Variants in SSUH2 observed in about 807,000 individuals in gnomAD.
The protein encoded by SSUH2 is ssu-2 homolog, also known as protein SSUH2 homolog.
SSUH2 carries 47 observed loss-of-function variants against 55.3 expected under a neutral mutation model. The observed-to-expected ratio is 0.85, with a 90% CI of 0.67 to 1.08. The LOEUF (loss-of-function observed/expected upper bound fraction) is 1.08. SSUH2 is among the 50% of genes least tolerant of loss of function. The probability of loss-of-function intolerance (pLI) is 0.00; values close to 1 mark genes in which losing one functional copy is unlikely to be tolerated. For synonymous variants in SSUH2, 212 were observed against 191.5 expected (o/e 1.11, Z -0.89); for missense variants, 535 against 490.7 (o/e 1.09, Z -0.85).
intron 6 of SSUH2, among the ~76,000 whole-genome samples, chr3:8,661,093 C>T (rs111426941): frequency 1.6e-4 from 25 of 152,348 alleles, no homozygotes; most frequent in Admixed American, 7.2e-4. Context: ...TACTGTCTGA[C>T]GCCGAAGTCC....
intron 7 of SSUH2, among the ~76,000 whole-genome samples, chr3:8,655,007 CAGTCTCAGTGTGT>C (rs1702800727): frequency 2.4e-3 from 1 of 414 alleles, no homozygotes. Flanking sequence ...CCTCATCCCC[CAGTCTCAGTGTGT>C]GGCCTCCCCA....
chr3:8,651,283 C>G (rs1702371962), intron 7 of SSUH2, among the ~76,000 whole-genome samples: 1 of 152,222 alleles, frequency 6.6e-6, no homozygotes, highest in South Asian at 2.1e-4. Flanking sequence ...CATTGCATCT[C>G]TCGGCTATCT....
chr3:8,659,158 T>A (rs1033245093), intron 6 of SSUH2: 1 of 152,242 alleles, frequency 6.6e-6, no homozygotes, highest in African/African-American at 2.4e-5. Context: ...CCTTACACCT[T>A]ACTAAAGAAA....
intron 11 of SSUH2, among the ~76,000 whole-genome samples, chr3:8,620,339 G>A (rs1696159675): frequency 6.6e-6 from 1 of 152,094 alleles, no homozygotes; most frequent in Admixed American, 6.5e-5. Flanking sequence ...TTCTTGCCTT[G>A]CCTGCTGCCA....
chr3:8,649,622 C>T (rs894290588), upstream of SSUH2, among the ~76,000 whole-genome samples: 2 of 152,130 alleles, frequency 1.3e-5, no homozygotes, highest in African/African-American at 4.8e-5. Flanking sequence ...TTTCACTCCC[C>T]CTTTTCCTCA....
intron 6 of SSUH2, among the ~76,000 whole-genome samples, chr3:8,660,686 A>C (rs553276485): frequency 8.6e-6 from 1 of 116,668 alleles, no homozygotes; most frequent in South Asian, 2.9e-4. Flanking sequence ...TCACAAGGCC[A>C]ACAGCTATGC....
chr3:8,626,338 G>A lies in SSUH2; in HGVS notation c.675-17C>T, dbSNP rs769549863. 3.7e-6 allele frequency: 6 copies of A among 1,607,924 alleles called. No individual in the cohort carries two copies. Among genetic ancestry groups the A allele is most frequent in the Non-Finnish European group, 5.1e-6 (6 of 1,174,432 alleles). Reference sequence around the variant, plus strand: ...GTGCTGCATCTGAGAAAGGCACAGAGTCCGTACCCCCAGATCAGTTGCAGG... The same window carrying A: ...GTGCTGCATCTGAGAAAGGCACAGAATCCGTACCCCCAGATCAGTTGCAGG... On this transcript the variant is annotated splice_polypyrimidine_tract_variant and intron_variant, in intron 8 of 11. Coordinates refer to ENST00000544814, the MANE Select transcript of SSUH2 (RefSeq NM_001256748.3).
intron 6 of SSUH2, chr3:8,659,159 A>G (rs1252182258): frequency 6.6e-6 from 1 of 152,138 alleles, no homozygotes; most frequent in Admixed American, 6.5e-5. Context: ...CTTACACCTT[A>G]CTAAAGAAAA....
intron 1 of SSUH2, among the ~76,000 whole-genome samples, chr3:8,642,045 A>G (rs1474353588): frequency 6.6e-6 from 1 of 152,164 alleles, no homozygotes; most frequent in Admixed American, 6.5e-5. Context: ...CCCAGGAGTA[A>G]AAAGGTACAA....
chr3:8,669,252 T>A (rs908934740), intron 5 of SSUH2, among the ~76,000 whole-genome samples: 1 of 152,194 alleles, frequency 6.6e-6, no homozygotes, highest in African/African-American at 2.4e-5. Flanking sequence ...GTGGCCAAAG[T>A]TGGAACAAAA....
At chr3:8,649,849 C>G (rs1215900144) in intron 7 of SSUH2, among the ~76,000 whole-genome samples, 1 of 152,156 alleles carries the variant, frequency 6.6e-6, no homozygotes, top group Non-Finnish European at 1.5e-5. Context: ...GAGACAGCCC[C>G]TCCTCTGCTC....
chr3:8,652,967 G>C (rs1368797739), intron 7 of SSUH2, among the ~76,000 whole-genome samples: 1 of 152,174 alleles, frequency 6.6e-6, no homozygotes, highest in Non-Finnish European at 1.5e-5. Flanking sequence ...GCTCCTCTTT[G>C]TCCTGGGGAT....
chr3:8,652,971 T>C (rs908643251), intron 7 of SSUH2, among the ~76,000 whole-genome samples: 2 of 152,218 alleles, frequency 1.3e-5, no homozygotes, highest in African/African-American at 4.8e-5. Context: ...CTCTTTGTCC[T>C]GGGGATCGGC....
At chr3:8,622,835 T>C (rs539890974) in intron 11 of SSUH2, among the ~76,000 whole-genome samples, 1 of 152,116 alleles carries the variant, frequency 6.6e-6, no homozygotes, top group Non-Finnish European at 1.5e-5. Flanking sequence ...TGAGGTGCTT[T>C]AGTGTCTTTT....
Position 8,623,608 on chromosome 3 carries a change from G to C in SSUH2, c.922C>G (p.Gln308Glu). The change falls in exon 11 of 12, where the codon CAG (glutamine) becomes GAG (glutamate). Residue 308 changes from glutamine to glutamate, a missense_variant. By Grantham distance (29) the Gln-to-Glu change is conservative. Transcript: ENST00000544814. Reference protein sequence around the residue: ...FPLRDISLASQRGIAEHSAAL... With the variant: ...FPLRDISLASERGIAEHSAAL... ...GCGCTGTGCTCTGCAATGCCCCTCT[G>C]GGAGGCAAGAGAGATGTCTCGCAGA... 1 of 1,547,152 alleles carries C rather than the reference G, an allele frequency of 6.5e-7. No homozygotes were observed. The highest frequency in any genetic ancestry group is 1.7e-4 in the Middle Eastern group (1 of 5,986).
intron 7 of SSUH2, among the ~76,000 whole-genome samples, chr3:8,656,937 G>GT (rs1445031069): frequency 6.6e-6 from 1 of 152,166 alleles, no homozygotes; most frequent in Non-Finnish European, 1.5e-5. Context: ...CTGGAGTGCA[G>GT]TAGCACAGTC....
chr3:8,679,999 A>G (rs1237323437), intron 1 of SSUH2: 1 of 152,280 alleles, frequency 6.6e-6, no homozygotes, highest in Non-Finnish European at 1.5e-5. Context: ...TCCCAACAAC[A>G]GCAAGTCTTT....
intron 5 of SSUH2, among the ~76,000 whole-genome samples, chr3:8,667,027 G>A (rs552532669): frequency 3.3e-5 from 5 of 152,286 alleles, no homozygotes; most frequent in South Asian, 2.1e-4. Context: ...GGGAGTCCAC[G>A]CACGTTCTCT....
upstream of SSUH2, among the ~76,000 whole-genome samples, chr3:8,649,621 C>T (rs374997970): frequency 8.5e-5 from 13 of 152,258 alleles, 1 homozygote; most frequent in East Asian, 3.9e-4. Context: ...CTTTCACTCC[C>T]CCTTTTCCTC....
Sources: allele counts gnomAD v4.1 joint callset (sites outside exome capture counted in the v4.1 genomes callset), GRCh38; gene constraint gnomAD v4.1.1; transcripts MANE v1.5; gene names NCBI Gene and HGNC (gene_info 2026-07-23, HGNC 2026-07-21).